BACC1: variants seen among roughly 807,000 people sequenced by gnomAD.
BACC1 encodes the protein BPTF associated chromatin complex component 1, also known as BPTF-associated chromatin complex component 1.
At chr17:7,015,055 C>A in the BACC1 span, 3 of 1,525,774 alleles carry the variant, frequency 2.0e-6, no homozygotes, top group East Asian at 2.6e-5. Flanking sequence ...CGCTGCCCCG[C>A]CCCCAGGTCG....
chr17:7,014,970 C>G, the BACC1 span: 1 of 1,141,482 alleles, frequency 8.8e-7, no homozygotes. The surrounding 1 kb of genome is among the most constrained non-coding windows in gnomAD (Gnocchi z 4.5). Context: ...GGGCGGGGGG[C>G]GGGCGGGAGC....
At chr17:7,015,992 GT>G in the BACC1 span, 1 of 797,370 alleles carries the variant, frequency 1.3e-6, no homozygotes, top group Non-Finnish European at 2.0e-6. Context: ...TTTGTCACTA[GT>G]TTTTTAGAAT....
chr17:7,015,034 GC>G, the BACC1 span: 5 of 1,464,956 alleles, frequency 3.4e-6, no homozygotes, highest in Admixed American at 5.6e-5. Flanking sequence ...GCGGGCGCCG[GC>G]CCCCCGTGAC....
chr17:7,016,742 G>A, the BACC1 span: 1 of 1,567,702 alleles, frequency 6.4e-7, no homozygotes, highest in Non-Finnish European at 8.7e-7. Flanking sequence ...GGTTTAGTGA[G>A]AGAATTGGGC....
the BACC1 span, chr17:7,017,486 T>C: frequency 5.5e-6 from 4 of 725,956 alleles, no homozygotes; most frequent in Non-Finnish European, 1.0e-5. Context: ...CTGATGGACA[T>C]TTTTATACAG....
chr17:7,014,819 C>T, the BACC1 span: 15 of 1,513,780 alleles, frequency 9.9e-6, no homozygotes, highest in South Asian at 8.6e-5. The surrounding 1 kb of genome is among the most constrained non-coding windows in gnomAD (Gnocchi z 4.5). Context: ...TCGCGTGTAG[C>T]GGCGGCGGCG....
At chr17:7,015,701 G>C in the BACC1 span, 2 of 1,463,714 alleles carry the variant, frequency 1.4e-6, no homozygotes, top group Non-Finnish European at 1.9e-6. Context: ...GTTGGCTGTG[G>C]GATGCATAGC....
chr17:7,017,417 G>A, the BACC1 span: 9 of 1,205,872 alleles, frequency 7.5e-6, no homozygotes, highest in Non-Finnish European at 1.1e-5. Flanking sequence ...AAAGGCTGCT[G>A]GGGCTGCCAC....
At chr17:7,015,451 G>A in the BACC1 span, 1 of 1,366,392 alleles carries the variant, frequency 7.3e-7, no homozygotes, top group Admixed American at 3.5e-5. Flanking sequence ...ACGGCTGCAG[G>A]CTGTGTTGGT....
chr17:7,016,887 C>G, the BACC1 span: 1 of 1,600,970 alleles, frequency 6.2e-7, no homozygotes, highest in Admixed American at 1.7e-5. Flanking sequence ...GAACCTAGAA[C>G]CTAGCTTATG....
chr17:7,015,480 C>T, the BACC1 span: 3 of 1,370,740 alleles, frequency 2.2e-6, no homozygotes, highest in Non-Finnish European at 2.8e-6. Context: ...TTTGAAAAGC[C>T]CTTCCTGGCG....
the BACC1 span, chr17:7,015,224 C>T: frequency 1.3e-6 from 2 of 1,490,938 alleles, no homozygotes; most frequent in Non-Finnish European, 1.8e-6. Context: ...AGACACGGAC[C>T]CTCTCTAGCA....
At chr17:7,016,193 C>A in the BACC1 span, 4 of 518,522 alleles carry the variant, frequency 7.7e-6, no homozygotes, top group African/African-American at 5.8e-5. Context: ...ATATGGTGAC[C>A]CTGAACTAGT....
chr17:7,017,503 A>G, the BACC1 span: 9 of 717,592 alleles, frequency 1.3e-5, no homozygotes, highest in Non-Finnish European at 2.3e-5. Flanking sequence ...ACAGAAAACA[A>G]TAAAGATTTC....
the BACC1 span, chr17:7,016,761 A>G: frequency 1.4e-4 from 212 of 1,543,012 alleles, no homozygotes; most frequent in East Asian, 4.6e-3. Context: ...GCCTGGGTCA[A>G]AGAAGGGTCA....
chr17:7,016,889 T>C, the BACC1 span: 1 of 1,604,418 alleles, frequency 6.2e-7, no homozygotes, highest in Non-Finnish European at 8.5e-7. Context: ...ACCTAGAACC[T>C]AGCTTATGCC....
At chr17:7,017,112 T>G in the BACC1 span, 1 of 1,520,654 alleles carries the variant, frequency 6.6e-7, no homozygotes, top group Non-Finnish European at 9.1e-7. Context: ...CTCCCTTGTA[T>G]AGGGGTTTCA....
At chr17:7,015,073 CT>C in the BACC1 span, 4 of 1,560,322 alleles carry the variant, frequency 2.6e-6, no homozygotes, top group Non-Finnish European at 3.4e-6. Context: ...TCGGAGAGAT[CT>C]TCTCGGCGGC....
At chr17:7,015,416 AC>A in the BACC1 span, 8 of 1,357,010 alleles carry the variant, frequency 5.9e-6, 1 homozygote, top group Non-Finnish European at 7.5e-6. Flanking sequence ...ACTCCCAACC[AC>A]CCCAGTTCAT....
Sources: allele counts gnomAD v4.1 joint callset, GRCh38; gene constraint gnomAD v4.1.1; non-coding constraint Gnocchi (gnomAD v3.1); transcripts MANE v1.5; gene names NCBI Gene and HGNC (gene_info 2026-07-23, HGNC 2026-07-21).